The following CENPP variants were observed in gnomAD, a reference collection of about 807,000 sequenced individuals.
CENPP encodes the protein centromere protein P.
Under a neutral mutation model 35.6 loss-of-function variants are expected in CENPP, and 24 were observed. The observed-to-expected ratio is 0.67, with a 90% CI of 0.49 to 0.95. The LOEUF (loss-of-function observed/expected upper bound fraction) is 0.95. Among genes scored for constraint, CENPP ranks in the 40% least tolerant of loss-of-function variants. CENPP has a pLI of 0.00. For missense variants in CENPP, 332 were observed against 345.3 expected (o/e 0.96, Z 0.31); for synonymous variants, 120 against 125.5 (o/e 0.96, Z 0.29).
chr9:92,548,437 C>A (rs1303396103), intron 5 of CENPP, among the ~76,000 whole-genome samples: 2 of 152,186 alleles, frequency 1.3e-5, no homozygotes, highest in East Asian at 3.8e-4. Context: ...CCACCCCATA[C>A]TTGCCAGGAT....
intron 5 of CENPP, among the ~76,000 whole-genome samples, chr9:92,469,174 G>T (rs1845419539): frequency 6.6e-6 from 1 of 151,414 alleles, no homozygotes; most frequent in Non-Finnish European, 1.5e-5. Context: ...GGAATCCATT[G>T]TGTCATTTCT....
chr9:92,461,689 C>T (rs1016080748), intron 5 of CENPP, among the ~76,000 whole-genome samples: 2 of 152,174 alleles, frequency 1.3e-5, no homozygotes, highest in African/African-American at 4.8e-5. Flanking sequence ...TGCCTAGATC[C>T]ATTCTGTCAT....
At chr9:92,505,825 T>G in intron 5 of CENPP, 1 of 683,064 alleles carries the variant, frequency 1.5e-6, no homozygotes, top group East Asian at 2.8e-5. Context: ...CTTTGTATCC[T>G]CCTATAAAAC....
chr9:92,399,761 T>G (rs893062301), intron 5 of CENPP, among the ~76,000 whole-genome samples: 3 of 152,206 alleles, frequency 2.0e-5, no homozygotes, highest in Non-Finnish European at 4.4e-5. Context: ...AAAGACCATT[T>G]TTGCTTCAGT....
intron 2 of CENPP, among the ~76,000 whole-genome samples, chr9:92,333,262 C>A (rs962752795): frequency 6.6e-6 from 1 of 152,180 alleles, no homozygotes; most frequent in Non-Finnish European, 1.5e-5. Flanking sequence ...CTGAAAATTA[C>A]CCTCATGACA....
chr9:92,422,904 A>G (rs1279401242), intron 5 of CENPP, among the ~76,000 whole-genome samples: 1 of 152,152 alleles, frequency 6.6e-6, no homozygotes, highest in Non-Finnish European at 1.5e-5. Flanking sequence ...CTTGTTCTCT[A>G]TAGGATAACT....
rs537570021 is a variant in CENPP at position 92,483,011 on chromosome 9, C to T, written c.564+103152C>T. On this transcript the variant is annotated intron_variant, in intron 5 of 7. Coordinates refer to ENST00000375587, the MANE Select transcript of CENPP (RefSeq NM_001012267.3). Reference sequence around the variant, plus strand: ...CCTGGACTCAACATATGTGATATAACACAGACACACATGCATGTCCAAGTA... The same window carrying T: ...CCTGGACTCAACATATGTGATATAATACAGACACACATGCATGTCCAAGTA... Among the ~76,000 whole-genome samples the T allele has an allele frequency of 9.9e-5, 15 of 151,864 alleles. No individual in the cohort carries two copies. In the South Asian group the frequency reaches 3.1e-3, roughly 32 times the overall value.
intron 5 of CENPP, among the ~76,000 whole-genome samples, chr9:92,440,724 G>A (rs114772427): frequency 1.4e-3 from 211 of 152,220 alleles, no homozygotes; most frequent in African/African-American, 4.6e-3. Flanking sequence ...TAGTTAAGAG[G>A]GAAAAGGCAT....
intron 5 of CENPP, among the ~76,000 whole-genome samples, chr9:92,381,500 T>G (rs1044122906): frequency 1.3e-5 from 2 of 152,156 alleles, no homozygotes; most frequent in African/African-American, 4.8e-5. Flanking sequence ...CCCATGCTGG[T>G]CTTGAACTAC....
At chr9:92,436,709 GCTTTT>G (rs1409678589) in intron 5 of CENPP, among the ~76,000 whole-genome samples, 1 of 151,910 alleles carries the variant, frequency 6.6e-6, no homozygotes, top group Non-Finnish European at 1.5e-5. Flanking sequence ...GCTATTTCTG[GCTTTT>G]CTTTTTCAGT....
At chr9:92,536,890 C>T (rs1346420051) in intron 5 of CENPP, among the ~76,000 whole-genome samples, 2 of 130,368 alleles carry the variant, frequency 1.5e-5, no homozygotes, top group Admixed American at 7.7e-5. Flanking sequence ...TTTTTTGAGA[C>T]GGGAGTTTTT....
At chr9:92,348,313 A>C (rs978015971) in intron 4 of CENPP, among the ~76,000 whole-genome samples, 1 of 148,470 alleles carries the variant, frequency 6.7e-6, no homozygotes, top group Non-Finnish European at 1.5e-5. Context: ...AACATTCTTC[A>C]TTTCTTTATT....
Position 92,615,545 on chromosome 9 carries a change from G to A in CENPP, c.*2396G>A, listed in dbSNP as rs1016568287. 7 of 366,906 alleles carry A rather than the reference G, an allele frequency of 1.9e-5. No individual in the cohort carries two copies. Among genetic ancestry groups the A allele is most frequent in the African/African-American group, 1.3e-4 (6 of 47,708 alleles). The allele number at this position is 366,906 out of a possible 1,614,324, so 22.7% of individuals were successfully genotyped here. On this transcript the variant is annotated 3_prime_UTR_variant, in exon 8 of 8. Coordinates refer to ENST00000375587, the MANE Select transcript of CENPP (RefSeq NM_001012267.3). ...CATTAGAGAATCAGACATGAGCCCT[G>A]GTTGGGAAAGAAGAACTATCCAGAA...
Position 92,620,324 on chromosome 9 carries a change from C to A in CENPP, c.*7175C>A, listed in dbSNP as rs12238865. The stretch of plus-strand genomic sequence containing the variant: ...ACACCACACTGTCAGAGTCGACATA[C>A]GTAAAGCTGTACATGTGCACATGTG... On this transcript the variant is annotated 3_prime_UTR_variant, in exon 8 of 8. Transcript: ENST00000375587. 8,505 of 152,462 alleles carry A rather than the reference C, an allele frequency of 0.056. 849 individuals carry two copies. Among genetic ancestry groups the A allele is most frequent in the East Asian group, 0.42 (2,173 of 5,158 alleles). 9.4% of individuals were successfully genotyped at this position (152,462 alleles called of 1,614,324 possible). A position where few individuals can be genotyped will look rare whatever the true frequency, so the allele number is the denominator to read the frequency against.
intron 5 of CENPP, chr9:92,495,317 A>T: frequency 1.2e-6 from 1 of 866,484 alleles, no homozygotes; most frequent in Non-Finnish European, 1.4e-6. Context: ...AAAAATCATT[A>T]TGTTAGAAAA....
chr9:92,327,929 G>T (rs1008176331), intron 1 of CENPP, among the ~76,000 whole-genome samples: 2 of 152,118 alleles, frequency 1.3e-5, no homozygotes, highest in African/African-American at 2.4e-5. Flanking sequence ...CACAGAGTCC[G>T]TTCTGCAACT....
At chr9:92,590,327 C>G (rs1264031021) in intron 5 of CENPP, among the ~76,000 whole-genome samples, 1 of 152,164 alleles carries the variant, frequency 6.6e-6, no homozygotes, top group South Asian at 2.1e-4. Flanking sequence ...GCATTCAGCA[C>G]TTATGGCACT....
intron 5 of CENPP, among the ~76,000 whole-genome samples, chr9:92,452,561 C>T (rs10992345): frequency 0.48 from 72,596 of 151,922 alleles, 20,886 homozygotes; most frequent in African/African-American, 0.81. Flanking sequence ...TAAAATTCTC[C>T]TTTTTTGTGG....
chr9:92,571,931 C>T (rs148439789), intron 5 of CENPP, among the ~76,000 whole-genome samples: 15,347 of 137,372 alleles, frequency 0.11, 831 homozygotes, highest in Middle Eastern at 0.16. Context: ...TTTTGTTTTC[C>T]ATTTGCTTGG....
Sources: allele counts gnomAD v4.1 joint callset (sites outside exome capture counted in the v4.1 genomes callset), GRCh38; gene constraint gnomAD v4.1.1; transcripts MANE v1.5; gene names NCBI Gene and HGNC (gene_info 2026-07-23, HGNC 2026-07-21).